The following SH3RF2 variants were observed in gnomAD, a reference collection of about 807,000 sequenced individuals.
The protein encoded by SH3RF2 is E3 ubiquitin-protein ligase SH3RF2.
In SH3RF2, 43 loss-of-function variants were observed where a neutral mutation model predicts 59.0. That is an observed-to-expected ratio of 0.73 (90% CI 0.57 to 0.94). SH3RF2 has a LOEUF of 0.94. SH3RF2 is among the 40% of genes least tolerant of loss of function. SH3RF2 has a pLI of 0.00. For synonymous variants in SH3RF2, 391 were observed against 391.5 expected, an observed-to-expected ratio of 1.00 and a Z score of 0.01; for missense variants, 930 against 940.1, an observed-to-expected ratio of 0.99 and a Z score of 0.14.
chr5:145,945,106 G>A (rs924842489), intron 2 of SH3RF2, among the ~76,000 whole-genome samples: 4 of 152,038 alleles, frequency 2.6e-5, no homozygotes, highest in African/African-American at 4.8e-5. Context: ...TGATTTTAAG[G>A]TATTCATTAT....
chr5:146,058,081 C>G (rs1459188183), intron 8 of SH3RF2, among the ~76,000 whole-genome samples: 1 of 152,058 alleles, frequency 6.6e-6, no homozygotes, highest in African/African-American at 2.4e-5. Context: ...ATTGCTCACA[C>G]TTTCCTTAAT....
intron 2 of SH3RF2, among the ~76,000 whole-genome samples, chr5:145,967,219 T>G (rs1185953549): frequency 6.6e-6 from 1 of 152,160 alleles, no homozygotes; most frequent in Non-Finnish European, 1.5e-5. Flanking sequence ...ATGATAGCTT[T>G]GTGTGAAGAA....
intron 2 of SH3RF2, among the ~76,000 whole-genome samples, chr5:145,963,487 A>G (rs965569064): frequency 2.6e-5 from 4 of 152,210 alleles, no homozygotes; most frequent in Non-Finnish European, 5.9e-5. Context: ...CCCAATAAGT[A>G]AGAGTTCCAA....
chr5:145,984,767 T>A (rs1451971421), intron 2 of SH3RF2, among the ~76,000 whole-genome samples: 1 of 152,226 alleles, frequency 6.6e-6, no homozygotes, highest in Non-Finnish European at 1.5e-5. Context: ...TTCTCCAAGG[T>A]CATGTCTATT....
chr5:146,042,152 T>C (rs1762149401), intron 5 of SH3RF2, among the ~76,000 whole-genome samples: 1 of 151,926 alleles, frequency 6.6e-6, no homozygotes, highest in Admixed American at 6.5e-5. Context: ...CGGCATGGGA[T>C]GGAGAAAAAC....
At chr5:146,012,718 T>G (rs1760953804) in intron 4 of SH3RF2, among the ~76,000 whole-genome samples, 1 of 152,196 alleles carries the variant, frequency 6.6e-6, no homozygotes, top group Non-Finnish European at 1.5e-5. Context: ...GTCAACATGT[T>G]TCAGATTTCC....
At position 146,035,906 on chromosome 5, in the gene SH3RF2, C is replaced by T. The variant is rs149438236; in HGVS notation, c.1060-11866C>T. 2.9e-3 allele frequency among the ~76,000 whole-genome samples: 444 copies of T among 152,308 alleles called. 5 individuals are homozygous for T. The highest frequency in any genetic ancestry group is 0.017 in the Middle Eastern group (5 of 294). ...GTCTGTGAGTGCAGTGGCCTCATCA[C>T]GGATCCCCCAGGCCTAGCACGGTGC... On this transcript the variant is annotated intron_variant, in intron 5 of 9. Coordinates refer to ENST00000359120, the MANE Select transcript of SH3RF2 (RefSeq NM_152550.4).
intron 5 of SH3RF2, among the ~76,000 whole-genome samples, chr5:146,025,266 G>T (rs553419840): frequency 5.9e-5 from 9 of 152,226 alleles, no homozygotes; most frequent in African/African-American, 2.2e-4. Flanking sequence ...CCACCTTCCC[G>T]CATGGCATGT....
chr5:146,055,946 T>C, intron 7 of SH3RF2, 35 bp from the exon 8 acceptor site: 2 of 1,598,516 alleles, frequency 1.3e-6, no homozygotes, highest in African/African-American at 2.7e-5. Flanking sequence ...TCTTTCTCTA[T>C]TTCTTCTCTT....
At chr5:145,970,232 A>G (rs1759026809) in intron 2 of SH3RF2, among the ~76,000 whole-genome samples, 1 of 151,890 alleles carries the variant, frequency 6.6e-6, no homozygotes, top group African/African-American at 2.4e-5. Flanking sequence ...CAAGCAGTGT[A>G]TACTGTACCC....
At chr5:146,002,912 C>G (rs1394859338) in intron 3 of SH3RF2, among the ~76,000 whole-genome samples, 1 of 152,192 alleles carries the variant, frequency 6.6e-6, no homozygotes, top group African/African-American at 2.4e-5. Context: ...CCTCCTACCC[C>G]CTGCATCTGA....
intron 5 of SH3RF2, 58 bp from the exon 6 acceptor site, chr5:146,047,714 G>A (rs1170960151): frequency 1.3e-6 from 2 of 1,534,228 alleles, no homozygotes; most frequent in Non-Finnish European, 1.8e-6. Flanking sequence ...TCTGTTTGCT[G>A]TGGGCCTGGG....
intron 9 of SH3RF2, among the ~76,000 whole-genome samples, chr5:146,070,907 T>C (rs940804403): frequency 2.6e-5 from 4 of 152,230 alleles, no homozygotes; most frequent in Admixed American, 2.0e-4. Flanking sequence ...AAAAGACATC[T>C]GCAGAGGCTG....
chr5:146,038,602 A>G (rs2150008842), intron 5 of SH3RF2, among the ~76,000 whole-genome samples: 1 of 152,374 alleles, frequency 6.6e-6, no homozygotes, highest in South Asian at 2.1e-4. Flanking sequence ...AGGAATAAAT[A>G]TAACAAGACA....
chr5:146,000,318 C>T lies in SH3RF2; in HGVS notation c.639C>T (p.Thr213=), dbSNP rs1376941924. Residue 213 remains threonine (T), a synonymous_variant, in exon 3 of 10, where the codon ACC becomes ACT. Coordinates refer to ENST00000359120, the MANE Select transcript of SH3RF2 (RefSeq NM_152550.4). ...AGAGTGAGAACCAGGATTGCCTGAC[C>T]TTCCTCAAGGTAGGATTCTGGGTGG... ...KDKSENQDCL[T]FLKDDIITVI... The T allele has an allele frequency of 2.5e-6, 4 of 1,613,152 alleles. No homozygotes were observed. The highest frequency in any genetic ancestry group is 1.7e-5 in the Admixed American group (1 of 59,894).
At position 146,014,003 on chromosome 5, in the gene SH3RF2, C is replaced by G. The variant is rs1314919473; in HGVS notation, c.1001C>G (p.Pro334Arg). Residue 334 changes from proline (P) to arginine (R), a missense_variant, in exon 5 of 10, where the codon CCC (proline) becomes CGC (arginine). Pro to Arg is a moderately radical substitution (Grantham distance 103, BLOSUM62 -2). Transcript: ENST00000359120. ...STPVLISSSN[P>R]SVITQPMEKA... ...CCAGTGCTCATCAGCTCCAGCAACC[C>G]CTCTGTGATCACCCAGCCCATGGAG... is the stretch of plus-strand genomic sequence containing the variant. The G allele has an allele frequency of 6.8e-6, 11 of 1,613,988 alleles. No individual in the cohort carries two copies. The Admixed American group carries it at 1.8e-4, about 27-fold the overall frequency.
intron 3 of SH3RF2, among the ~76,000 whole-genome samples, chr5:146,001,665 T>C (rs981327881): frequency 6.6e-6 from 1 of 152,222 alleles, no homozygotes; most frequent in African/African-American, 2.4e-5. Flanking sequence ...TTCTGGGAAT[T>C]TGTAAACTGG....
intron 2 of SH3RF2, among the ~76,000 whole-genome samples, chr5:145,943,324 AG>A (rs1268606470): frequency 6.6e-6 from 1 of 152,036 alleles, no homozygotes; most frequent in Non-Finnish European, 1.5e-5. Context: ...AGTGGTAGCC[AG>A]GGGTTATGGA....
intron 2 of SH3RF2, among the ~76,000 whole-genome samples, chr5:145,979,371 A>G (rs1379561503): frequency 6.6e-6 from 1 of 152,214 alleles, no homozygotes; most frequent in African/African-American, 2.4e-5. Context: ...AGGAGATAAG[A>G]GTTACTTTTA....
Sources: allele counts gnomAD v4.1 joint callset (sites outside exome capture counted in the v4.1 genomes callset), GRCh38; gene constraint gnomAD v4.1.1; transcripts MANE v1.5; gene names NCBI Gene and HGNC (gene_info 2026-07-23, HGNC 2026-07-21).